CSMD3: variants seen among roughly 807,000 people sequenced by gnomAD.
CSMD3 encodes CUB and Sushi multiple domains 3, also known as CUB and sushi domain-containing protein 3.
In CSMD3, 177 loss-of-function variants were observed where a neutral mutation model predicts 435.2. The observed-to-expected ratio is 0.41, with a 90% CI of 0.36 to 0.46. The LOEUF is 0.46. CSMD3 is among the 20% of genes least tolerant of loss of function. The pLI, the probability that CSMD3 is intolerant of heterozygous loss-of-function variation, is 0.34. For missense variants in CSMD3, 4,265 were observed against 4,504.6 expected, an observed-to-expected ratio of 0.95 and a Z score of 1.52; for synonymous variants, 1,656 against 1,520.5, an observed-to-expected ratio of 1.09 and a Z score of -2.07.
At chr8:112,271,304 G>A (rs1045018246) in intron 59 of CSMD3, among the ~76,000 whole-genome samples, 15 of 152,102 alleles carry the variant, frequency 9.9e-5, no homozygotes, top group Admixed American at 4.6e-4. Context: ...ACAAATGGTC[G>A]TTTCATTAAG....
At chr8:112,631,141 A>C (rs2131556782) in intron 22 of CSMD3, among the ~76,000 whole-genome samples, 1 of 152,242 alleles carries the variant, frequency 6.6e-6, no homozygotes, top group African/African-American at 2.4e-5. Flanking sequence ...AAATGCCCAA[A>C]TACAAAAGGG....
chr8:113,352,126 A>T lies in CSMD3; in HGVS notation c.179-37333T>A, dbSNP rs79549194. Among the ~76,000 whole-genome samples, 1,464 of 152,248 alleles carry T rather than the reference A, an allele frequency of 9.6e-3. 22 individuals carry two copies. Among genetic ancestry groups the T allele is most frequent in the African/African-American group, 0.031 (1,291 of 41,540 alleles). On this transcript the variant is annotated intron_variant, in intron 1 of 70. Transcript: ENST00000297405. The stretch of plus-strand genomic sequence containing the variant: ...ACTTGCAGAAGGTTGAATAATGGCC[A>T]TTCTGAGATCTACTTAGAACCCCAA...
chr8:112,652,062 G>A (rs1177756843), intron 18 of CSMD3, among the ~76,000 whole-genome samples: 5 of 152,022 alleles, frequency 3.3e-5, no homozygotes, highest in African/African-American at 9.7e-5. Context: ...TTGGACATAC[G>A]TATAGCCAAA....
chr8:112,664,729 T>A (rs1484199854), intron 17 of CSMD3, among the ~76,000 whole-genome samples: 1 of 152,002 alleles, frequency 6.6e-6, no homozygotes, highest in African/African-American at 2.4e-5. Context: ...ATGTAACTGG[T>A]GTCCAGGACA....
chr8:113,067,185 T>C (rs977058769), intron 5 of CSMD3, among the ~76,000 whole-genome samples: 2 of 152,164 alleles, frequency 1.3e-5, no homozygotes, highest in Non-Finnish European at 2.9e-5. Context: ...ACTTACATTC[T>C]ACTAAGATCC....
intron 4 of CSMD3, among the ~76,000 whole-genome samples, chr8:113,169,736 A>C (rs1161986114): frequency 6.6e-6 from 1 of 152,146 alleles, no homozygotes; most frequent in African/African-American, 2.4e-5. Context: ...GAATTTTGGA[A>C]TTGTTAACAT....
At chr8:112,851,849 T>C (rs2080499423) in intron 11 of CSMD3, among the ~76,000 whole-genome samples, 1 of 151,840 alleles carries the variant, frequency 6.6e-6, no homozygotes. Flanking sequence ...TTTGAATGAA[T>C]AAGTAAGTAT....
chr8:112,614,904 T>C (rs1266955706), intron 22 of CSMD3, among the ~76,000 whole-genome samples: 1 of 152,112 alleles, frequency 6.6e-6, no homozygotes, highest in Non-Finnish European at 1.5e-5. Context: ...GTTTTTGAAC[T>C]ACTCTACAGT....
chr8:113,250,694 C>G (rs915540438), intron 3 of CSMD3, among the ~76,000 whole-genome samples: 4 of 151,974 alleles, frequency 2.6e-5, no homozygotes, highest in African/African-American at 9.7e-5. Flanking sequence ...CATTCAAAAG[C>G]TTGTTAGTAG....
At chr8:112,824,737 T>A (rs2079627095) in intron 12 of CSMD3, among the ~76,000 whole-genome samples, 1 of 152,162 alleles carries the variant, frequency 6.6e-6, no homozygotes, top group South Asian at 2.1e-4. Context: ...GCCCTTAACA[T>A]TTTTTATTTT....
intron 5 of CSMD3, among the ~76,000 whole-genome samples, chr8:113,090,748 T>C (rs2089975106): frequency 6.6e-6 from 1 of 152,110 alleles, no homozygotes; most frequent in East Asian, 1.9e-4. Flanking sequence ...GTAGAAAAAT[T>C]ATGCAAGCTT....
intron 3 of CSMD3, among the ~76,000 whole-genome samples, chr8:113,211,787 C>T (rs2092837962): frequency 6.6e-6 from 1 of 152,162 alleles, no homozygotes; most frequent in Admixed American, 6.5e-5. Flanking sequence ...CTCTGAATAG[C>T]CATGGCATAT....
intron 13 of CSMD3, among the ~76,000 whole-genome samples, chr8:112,711,612 C>T (rs765488696): frequency 1.3e-5 from 2 of 152,134 alleles, no homozygotes; most frequent in Non-Finnish European, 2.9e-5. Context: ...CCACAGTCTA[C>T]ACTGATTAGT....
chr8:112,618,049 AAG>A (rs1213605032), intron 22 of CSMD3, among the ~76,000 whole-genome samples: 1 of 152,130 alleles, frequency 6.6e-6, no homozygotes, highest in Non-Finnish European at 1.5e-5. Context: ...ACCAGAATAC[AAG>A]AGAGAGTTTA....
At chr8:112,923,007 T>C (rs898855731) in intron 9 of CSMD3, among the ~76,000 whole-genome samples, 11 of 152,138 alleles carry the variant, frequency 7.2e-5, no homozygotes, top group Admixed American at 2.0e-4. Context: ...ACAGTTATTC[T>C]TAACTCATCT....
intron 13 of CSMD3, among the ~76,000 whole-genome samples, chr8:112,779,091 T>G (rs1327310765): frequency 1.3e-5 from 2 of 151,896 alleles, no homozygotes; most frequent in Non-Finnish European, 2.9e-5. Context: ...TTATAAGATG[T>G]GTCTTTGCAA....
intron 1 of CSMD3, among the ~76,000 whole-genome samples, chr8:113,354,954 T>G (rs2094212144): frequency 1.3e-5 from 2 of 152,166 alleles, no homozygotes; most frequent in African/African-American, 2.4e-5. Flanking sequence ...AGACAAATGT[T>G]GATAGTCCCC....
chr8:112,747,183 C>CTTTTTTTTTTTTT (rs71309787), intron 13 of CSMD3, among the ~76,000 whole-genome samples: 3 of 26,936 alleles, frequency 1.1e-4, no homozygotes, highest in African/African-American at 2.6e-4. Flanking sequence ...GCACACTTCC[C>CTTTTTTTTTTTTT]TTTTTTTTTT....
chr8:112,837,879 C>A (rs899015810), intron 11 of CSMD3, among the ~76,000 whole-genome samples: 2 of 151,740 alleles, frequency 1.3e-5, no homozygotes, highest in East Asian at 1.9e-4. Context: ...TGTATAATTA[C>A]AAAATATAAA....
Sources: gnomAD v4.1 joint callset for allele counts (sites outside exome capture counted in the v4.1 genomes callset) on GRCh38, gnomAD v4.1.1 for gene constraint, MANE v1.5 for transcripts, NCBI Gene and HGNC (gene_info 2026-07-23, HGNC 2026-07-21) for gene names.